OSBPL8: variants seen among roughly 807,000 people sequenced by gnomAD.
The protein encoded by OSBPL8 is oxysterol binding protein like 8, also known as oxysterol-binding protein-related protein 8.
Under a neutral mutation model 125.5 loss-of-function variants are expected in OSBPL8, and 59 were observed. That is an observed-to-expected ratio of 0.47 (90% CI 0.38 to 0.58). The LOEUF is 0.58. OSBPL8 is among the 20% of genes least tolerant of loss of function. OSBPL8 has a pLI of 0.00. For missense variants in OSBPL8, 758 were observed against 1,047.8 expected (o/e 0.72, Z 3.82); for synonymous variants, 330 against 338.9 (o/e 0.97, Z 0.29).
chr12:76,459,690 A>G (rs1874473762), intron 3 of OSBPL8, among the ~76,000 whole-genome samples, 169 bp downstream of exon 3: 1 of 152,240 alleles, frequency 6.6e-6, no homozygotes, highest in Non-Finnish European at 1.5e-5. Flanking sequence ...CAGATGGGGC[A>G]CTGGGTACTA....
chr12:76,478,857 G>A (rs1201389524), intron 2 of OSBPL8, among the ~76,000 whole-genome samples: 1 of 152,082 alleles, frequency 6.6e-6, no homozygotes, highest in Non-Finnish European at 1.5e-5. Flanking sequence ...AGGCCGAGGC[G>A]GGTGGATCAT....
intron 2 of OSBPL8, among the ~76,000 whole-genome samples, chr12:76,478,188 C>T (rs1217777400): frequency 6.6e-6 from 1 of 151,940 alleles, no homozygotes. Context: ...GGCAACAGAG[C>T]GAGACTCCAT....
At chr12:76,446,139 A>C (rs1297018021) in intron 4 of OSBPL8, among the ~76,000 whole-genome samples, 2 of 152,184 alleles carry the variant, frequency 1.3e-5, no homozygotes, top group Non-Finnish European at 2.9e-5. Context: ...AAGCCCTCAG[A>C]GACATGAGGA....
intron 1 of OSBPL8, among the ~76,000 whole-genome samples, chr12:76,532,096 T>A (rs1188774177): frequency 6.6e-6 from 1 of 151,464 alleles, no homozygotes; most frequent in Non-Finnish European, 1.5e-5. Context: ...AATCTGTTCC[T>A]TAAAATTTTT....
intron 15 of OSBPL8, among the ~76,000 whole-genome samples, chr12:76,379,636 G>T (rs991412765): frequency 4.6e-5 from 7 of 152,124 alleles, no homozygotes; most frequent in African/African-American, 1.7e-4. Flanking sequence ...AGCTTGCTGT[G>T]TTTTACTTCC....
At chr12:76,467,539 C>A (rs994545553) in intron 2 of OSBPL8, among the ~76,000 whole-genome samples, 2 of 152,096 alleles carry the variant, frequency 1.3e-5, no homozygotes, top group African/African-American at 4.8e-5. Context: ...ACTGATTTGC[C>A]CATCTTTCTT....
At position 76,425,084 on chromosome 12, in the gene OSBPL8, G is replaced by A. The variant is rs796154274; in HGVS notation, c.218-14450C>T. On this transcript the variant is annotated intron_variant, in intron 4 of 23. Transcript: ENST00000261183. ...ATCATGAATCAGATAGGCTATTTACGTCAACAACAATACTGGAAGCAGGCC... is the reference window on the plus strand; with the variant it reads ...ATCATGAATCAGATAGGCTATTTACATCAACAACAATACTGGAAGCAGGCC... Among the ~76,000 whole-genome samples, 17 of 152,054 alleles carry A rather than the reference G, an allele frequency of 1.1e-4. No homozygotes were observed. The South Asian group carries it at 2.1e-3, about 19-fold the overall frequency.
At chr12:76,391,063 A>G (rs182198453) in intron 10 of OSBPL8, among the ~76,000 whole-genome samples, 2 of 152,306 alleles carry the variant, frequency 1.3e-5, no homozygotes, top group African/African-American at 4.8e-5. Flanking sequence ...ATGCAGGTCC[A>G]GATAATCAGA....
intron 2 of OSBPL8, among the ~76,000 whole-genome samples, chr12:76,472,299 T>C (rs996513170): frequency 2.0e-5 from 3 of 152,230 alleles, no homozygotes; most frequent in African/African-American, 7.2e-5. Flanking sequence ...ACACATCCAA[T>C]CAATCACCAG....
At position 76,374,383 on chromosome 12, in the gene OSBPL8, A is replaced by G. The variant is rs561827455; in HGVS notation, c.1827+890T>C. On this transcript the variant is annotated intron_variant, in intron 17 of 23. Coordinates refer to ENST00000261183, the MANE Select transcript of OSBPL8 (RefSeq NM_020841.5). ...ACTCTCCCAATGAGAAGTGGGGTCT[A>G]TATTTCTTCTCCTTGAATTTGGGTG... Among the ~76,000 whole-genome samples, 13 of 152,232 alleles carry G rather than the reference A, an allele frequency of 8.5e-5. No homozygotes were observed. The East Asian group carries it at 1.2e-3, about 14-fold the overall frequency.
chr12:76,555,026 A>G (rs1159795071), intron 1 of OSBPL8, among the ~76,000 whole-genome samples: 7 of 152,360 alleles, frequency 4.6e-5, no homozygotes, highest in African/African-American at 1.2e-4. Flanking sequence ...AAAAGCTTAG[A>G]TAAGAAATAA....
intron 6 of OSBPL8, among the ~76,000 whole-genome samples, chr12:76,401,892 C>A (rs1954065772): frequency 6.6e-6 from 1 of 152,080 alleles, no homozygotes; most frequent in African/African-American, 2.4e-5. Context: ...ATAATGAGGT[C>A]TTATTGTTGC....
At chr12:76,374,729 GTCTT>G (rs2136213890) in intron 17 of OSBPL8, among the ~76,000 whole-genome samples, 1 of 152,218 alleles carries the variant, frequency 6.6e-6, no homozygotes, top group Non-Finnish European at 1.5e-5. Flanking sequence ...GGCCTACAAA[GTCTT>G]TCTGAGACCC....
intron 4 of OSBPL8, among the ~76,000 whole-genome samples, chr12:76,424,994 A>C (rs1168308696): frequency 6.6e-6 from 1 of 152,158 alleles, no homozygotes; most frequent in African/African-American, 2.4e-5. Context: ...ATAAAAACTG[A>C]AAGTCAACCT....
chr12:76,550,431 C>A (rs370869469), intron 1 of OSBPL8, among the ~76,000 whole-genome samples: 1 of 152,110 alleles, frequency 6.6e-6, no homozygotes, highest in African/African-American at 2.4e-5. Context: ...AATTTAGAGA[C>A]AACCTGTGGA....
chr12:76,508,904 C>G lies in OSBPL8; in HGVS notation c.-67-21286G>C, dbSNP rs145825812. ...TATTTAGCATATAATCAAGAAGTAA[C>G]AATAAGTATAAGTAGATGAGCAGCC... On this transcript the variant is annotated intron_variant, in intron 1 of 23. Coordinates refer to ENST00000261183, the MANE Select transcript of OSBPL8 (RefSeq NM_020841.5). Among the ~76,000 whole-genome samples, 441 of 152,294 alleles carry G rather than the reference C, an allele frequency of 2.9e-3. 2 individuals carry two copies. Among genetic ancestry groups the G allele is most frequent in the African/African-American group, 0.01 (424 of 41,560 alleles).
At chr12:76,387,369 T>G (rs758938061) in intron 12 of OSBPL8, among the ~76,000 whole-genome samples, 3 of 152,220 alleles carry the variant, frequency 2.0e-5, no homozygotes, top group Non-Finnish European at 4.4e-5. Context: ...TAACCTATTT[T>G]TATTCTTCAA....
At chr12:76,394,409 TGAA>T (rs1953707254) in intron 9 of OSBPL8, among the ~76,000 whole-genome samples, 1 of 152,200 alleles carries the variant, frequency 6.6e-6, no homozygotes, top group African/African-American at 2.4e-5. Context: ...CCATGGAGGA[TGAA>T]GAAGAAAACT....
intron 2 of OSBPL8, among the ~76,000 whole-genome samples, chr12:76,471,676 G>A (rs1876154475): frequency 6.6e-6 from 1 of 152,172 alleles, no homozygotes; most frequent in African/African-American, 2.4e-5. Context: ...CAAAATTGGA[G>A]AGAAAAACAT....
Sources: gnomAD v4.1 joint callset for allele counts (sites outside exome capture counted in the v4.1 genomes callset) on GRCh38, gnomAD v4.1.1 for gene constraint, MANE v1.5 for transcripts, NCBI Gene and HGNC (gene_info 2026-07-23, HGNC 2026-07-21) for gene names.